Variants in ARHGAP15 observed in about 807,000 individuals in gnomAD.
The protein encoded by ARHGAP15 is rho GTPase-activating protein 15.
Under a neutral mutation model 63.7 loss-of-function variants are expected in ARHGAP15, and 51 were observed. The ratio of observed to expected loss-of-function variants is 0.80; its 90% CI spans 0.64 to 1.01. The LOEUF (loss-of-function observed/expected upper bound fraction) is 1.01. Ranked by LOEUF, ARHGAP15 falls within the 50% of genes least tolerant of loss-of-function variation. The pLI, the probability that ARHGAP15 is intolerant of heterozygous loss-of-function variation, is 0.00. For synonymous variants in ARHGAP15, 191 were observed against 193.8 expected (o/e 0.99, Z 0.12); for missense variants, 560 against 564.6 (o/e 0.99, Z 0.08).
chr2:143,134,658 G>C (rs1300630112), intron 1 of ARHGAP15, among the ~76,000 whole-genome samples: 1 of 137,326 alleles, frequency 7.3e-6, no homozygotes, highest in African/African-American at 2.7e-5. Context: ...TTTTTGAGAC[G>C]GAGTCTCACT....
chr2:143,616,129 G>A (rs574960494), intron 11 of ARHGAP15, among the ~76,000 whole-genome samples: 1 of 152,224 alleles, frequency 6.6e-6, no homozygotes, highest in African/African-American at 2.4e-5. Context: ...CTAAAAGCCT[G>A]GAGAGCAGCA....
chr2:143,673,004 A>G (rs989050029), intron 12 of ARHGAP15, among the ~76,000 whole-genome samples: 2 of 152,208 alleles, frequency 1.3e-5, no homozygotes, highest in Non-Finnish European at 1.5e-5. Flanking sequence ...ACACAATATA[A>G]GAGGCATTAA....
chr2:143,572,769 G>A (rs770360825), intron 11 of ARHGAP15, among the ~76,000 whole-genome samples: 2 of 151,934 alleles, frequency 1.3e-5, no homozygotes, highest in Admixed American at 1.3e-4. Context: ...CTAAATCCAC[G>A]CGTGATTTCT....
At chr2:143,697,769 C>G (rs912339364) in intron 12 of ARHGAP15, among the ~76,000 whole-genome samples, 3 of 152,124 alleles carry the variant, frequency 2.0e-5, no homozygotes, top group Non-Finnish European at 2.9e-5. Context: ...AAAGTGTATC[C>G]TCAGAGGTTT....
chr2:143,738,961 G>A (rs1428165912), intron 13 of ARHGAP15, among the ~76,000 whole-genome samples: 2 of 152,162 alleles, frequency 1.3e-5, no homozygotes, highest in Non-Finnish European at 2.9e-5. Flanking sequence ...GAATGATCAT[G>A]GATCATTTTG....
chr2:143,468,861 A>G (rs1010930152), intron 8 of ARHGAP15, among the ~76,000 whole-genome samples: 1 of 152,168 alleles, frequency 6.6e-6, no homozygotes. Context: ...TCAAACCTCA[A>G]ATTGAACAAA....
intron 6 of ARHGAP15, among the ~76,000 whole-genome samples, chr2:143,419,257 T>C (rs1688811201): frequency 6.6e-6 from 1 of 152,142 alleles, no homozygotes; most frequent in Non-Finnish European, 1.5e-5. Flanking sequence ...AGAGAAAATA[T>C]GAATTGAAAT....
intron 6 of ARHGAP15, among the ~76,000 whole-genome samples, chr2:143,397,572 GAAGAAATA>G (rs1283478758): frequency 1.1e-5 from 1 of 92,414 alleles, no homozygotes; most frequent in Non-Finnish European, 2.1e-5. Context: ...AAAAAACGAA[GAAGAAATA>G]AAATATAACC....
chr2:143,419,902 G>A (rs185908697), intron 6 of ARHGAP15, among the ~76,000 whole-genome samples: 25 of 152,112 alleles, frequency 1.6e-4, no homozygotes, highest in Middle Eastern at 3.4e-3. Flanking sequence ...CATTGAAAAT[G>A]TATAGAAAAA....
At chr2:143,285,513 G>A (rs892379255) in intron 6 of ARHGAP15, among the ~76,000 whole-genome samples, 2 of 152,026 alleles carry the variant, frequency 1.3e-5, no homozygotes, top group African/African-American at 4.8e-5. Context: ...AAATATCTTA[G>A]CATAAAGATG....
At position 143,473,156 on chromosome 2, in the gene ARHGAP15, A is replaced by G. The variant is rs557488755; in HGVS notation, c.704-14217A>G. Among the ~76,000 whole-genome samples, 22 of 152,282 alleles carry G rather than the reference A, an allele frequency of 1.4e-4. No homozygotes were observed. In the East Asian group the frequency reaches 3.9e-3, roughly 27 times the overall value. On this transcript the variant is annotated intron_variant, in intron 8 of 13. Transcript: ENST00000295095. ...AAATGAGAAAAGAAATATTTTTGCC[A>G]AACCATCACATGACTCAGAGAAATT...
chr2:143,701,712 A>G (rs1684097811), intron 12 of ARHGAP15, among the ~76,000 whole-genome samples: 1 of 152,206 alleles, frequency 6.6e-6, no homozygotes, highest in Admixed American at 6.5e-5. Flanking sequence ...GCTGCACAGT[A>G]GAGCAAGATC....
chr2:143,323,921 A>AAC (rs1684139584), intron 6 of ARHGAP15, among the ~76,000 whole-genome samples: 1 of 149,546 alleles, frequency 6.7e-6, no homozygotes, highest in African/African-American at 2.5e-5. Context: ...AAAAAAAAAA[A>AAC]AACACCTAAA....
At chr2:143,759,318 A>C (rs539757012) in intron 13 of ARHGAP15, among the ~76,000 whole-genome samples, 1 of 152,280 alleles carries the variant, frequency 6.6e-6, no homozygotes, top group East Asian at 1.9e-4. Context: ...CCACGAAAGC[A>C]TATGGCACAA....
chr2:143,673,740 G>GTA (rs1220407141), intron 12 of ARHGAP15, among the ~76,000 whole-genome samples: 3 of 28,482 alleles, frequency 1.1e-4, no homozygotes, highest in Non-Finnish European at 1.3e-4. Flanking sequence ...GTGTGTGTGT[G>GTA]TGTGTGTGTG....
At chr2:143,239,314 T>A (rs1693770662) in intron 5 of ARHGAP15, among the ~76,000 whole-genome samples, 1 of 152,166 alleles carries the variant, frequency 6.6e-6, no homozygotes, top group Non-Finnish European at 1.5e-5. Context: ...ATGAAAACAT[T>A]TAAAATATAA....
At chr2:143,718,565 A>G (rs1684911909) in intron 13 of ARHGAP15, among the ~76,000 whole-genome samples, 2 of 152,212 alleles carry the variant, frequency 1.3e-5, no homozygotes, top group Admixed American at 1.3e-4. Flanking sequence ...TGCCCTTGGT[A>G]TAGAGGTTCC....
chr2:143,431,897 A>C (rs1689404798), intron 6 of ARHGAP15, among the ~76,000 whole-genome samples: 1 of 152,004 alleles, frequency 6.6e-6, no homozygotes. Flanking sequence ...GGGGCTCTCA[A>C]ACAGGGTAGC....
intron 8 of ARHGAP15, chr2:143,471,915 G>A (rs1446794780): frequency 6.6e-6 from 1 of 152,218 alleles, no homozygotes; most frequent in African/African-American, 2.4e-5. Context: ...GCCTGCAGAA[G>A]CAAAGCAAAG....
Sources: gnomAD v4.1 joint callset for allele counts (sites outside exome capture counted in the v4.1 genomes callset) on GRCh38, gnomAD v4.1.1 for gene constraint, MANE v1.5 for transcripts, NCBI Gene and HGNC (gene_info 2026-07-23, HGNC 2026-07-21) for gene names.